The following ATP2B1 variants were observed in gnomAD, a reference collection of about 807,000 sequenced individuals.
ATP2B1 encodes the protein ATPase plasma membrane Ca2+ transporting 1, also known as plasma membrane calcium-transporting ATPase 1.
ATP2B1 carries 14 observed loss-of-function variants against 124.2 expected under a neutral mutation model. The observed-to-expected ratio is 0.11, with a 90% CI of 0.07 to 0.18. The LOEUF is 0.18. ATP2B1 is among the 10% of genes least tolerant of loss of function. The pLI is 1.00. For missense variants in ATP2B1, 763 were observed against 1,466.1 expected, an observed-to-expected ratio of 0.52 and a Z score of 7.83; for synonymous variants, 449 against 492.4, an observed-to-expected ratio of 0.91 and a Z score of 1.17.
intron 8 of ATP2B1, among the ~76,000 whole-genome samples, chr12:89,624,773 T>C (rs181795161): frequency 6.6e-6 from 1 of 152,310 alleles, no homozygotes; most frequent in Non-Finnish European, 1.5e-5. Context: ...GAGAAACTGG[T>C]AAAAATCTCA....
At chr12:89,700,593 A>C (rs1321553123) in intron 1 of ATP2B1, among the ~76,000 whole-genome samples, 4 of 152,238 alleles carry the variant, frequency 2.6e-5, no homozygotes, top group Non-Finnish European at 2.9e-5. Flanking sequence ...ATATGTCAGT[A>C]TCATCCATGA....
At chr12:89,618,732 A>G (rs1282033153) in intron 11 of ATP2B1, among the ~76,000 whole-genome samples, 2 of 152,070 alleles carry the variant, frequency 1.3e-5, no homozygotes, top group Admixed American at 6.6e-5. Flanking sequence ...TTCATACCAA[A>G]ATCTATCTTA....
At chr12:89,631,582 T>C (rs1881864780) in intron 5 of ATP2B1, among the ~76,000 whole-genome samples, 1 of 152,180 alleles carries the variant, frequency 6.6e-6, no homozygotes, top group East Asian at 1.9e-4. Context: ...TTCTCATGGC[T>C]CAAAAATTTC....
intron 2 of ATP2B1, among the ~76,000 whole-genome samples, chr12:89,643,099 C>CATACGTATATAT (rs1215769461): frequency 1.4e-5 from 2 of 145,170 alleles, no homozygotes; most frequent in African/African-American, 5.0e-5. Context: ...CACATATATA[C>CATACGTATATAT]ATACGTATAT....
rs746847972 is a variant in ATP2B1, at chr12:89,603,237, T to G, written c.2866A>C (p.Ile956Leu). 6.2e-7 allele frequency: 1 copy of G among 1,603,262 alleles called. No individual in the cohort carries two copies. The highest frequency in any genetic ancestry group is 8.5e-7 in the Non-Finnish European group (1 of 1,175,644). ...AAAGGAGCATTTCTTCCACTATCAA[T>G]GTCAAAAAACTTTTCTCCTGAAAGA... ...LLFAGEKFFD[I>L]DSGRNAPLHA... Residue 956 changes from isoleucine to leucine, a missense_variant, in exon 18 of 21, where the codon ATT becomes CTT. Physicochemically the swap from Ile to Leu is conservative, Grantham distance 5 (BLOSUM62 2). Around this residue, in one of 7 missense-constraint regions of ATP2B1, gnomAD observed 118 missense variants for 240.3 expected, o/e 0.49. Transcript: ENST00000428670. This position sits in a 1 kb window ranked among gnomAD's most constrained non-coding sequence, Gnocchi z 4.3.
intron 1 of ATP2B1, among the ~76,000 whole-genome samples, chr12:89,670,304 T>C (rs1373866131): frequency 6.6e-6 from 1 of 150,568 alleles, no homozygotes; most frequent in Non-Finnish European, 1.5e-5. Flanking sequence ...CGTTTAACAA[T>C]AAATAAAAAA....
intron 9 of ATP2B1, among the ~76,000 whole-genome samples, chr12:89,623,364 T>C (rs996875827): frequency 6.6e-6 from 1 of 152,142 alleles, no homozygotes; most frequent in Non-Finnish European, 1.5e-5. Flanking sequence ...CTTTTTTTTT[T>C]TTATTTCCAA....
intron 6 of ATP2B1, 81 bp from the exon 7 acceptor site, chr12:89,627,797 T>A: frequency 7.0e-7 from 1 of 1,424,486 alleles, no homozygotes; most frequent in African/African-American, 1.4e-5. Context: ...TAGTTCACAT[T>A]TCTATAACAG....
intron 6 of ATP2B1, 74 bp from the exon 7 acceptor site, chr12:89,627,790 T>A (rs1469572225): frequency 6.8e-7 from 1 of 1,464,690 alleles, no homozygotes; most frequent in Non-Finnish European, 9.5e-7. Flanking sequence ...GCAGAAGTAG[T>A]TCACATTTCT....
At position 89,635,140 on chromosome 12, in the gene ATP2B1, T is replaced by C; in HGVS notation, c.518A>G (p.Asn173Ser). The change falls in exon 4 of 21, where the codon AAT (asparagine) becomes AGT (serine). Residue 173 changes from asparagine (N) to serine (S), a missense_variant. Asn to Ser is a conservative substitution (Grantham distance 46, BLOSUM62 1). Transcript: ENST00000428670. Reference sequence around the variant, plus strand: ...AAACTGTTTTTCCTTACTCCAGTCATTGAAAGCTGTTACTAACACCACACA... The same window carrying C: ...AAACTGTTTTTCCTTACTCCAGTCACTGAAAGCTGTTACTAACACCACACA... ...VVCVVLVTAF[N>S]DWSKEKQFRG... is the part of the protein sequence containing the mutation. 6.2e-7 allele frequency: 1 copy of C among 1,613,934 alleles called. No individual in the cohort carries two copies. Among genetic ancestry groups the C allele is most frequent in the Non-Finnish European group, 8.5e-7 (1 of 1,179,886 alleles).
At chr12:89,592,005 A>G (rs993588514) in intron 20 of ATP2B1, among the ~76,000 whole-genome samples, 3 of 152,072 alleles carry the variant, frequency 2.0e-5, no homozygotes, top group African/African-American at 7.2e-5. Context: ...TCAAAAACAA[A>G]AACAAATCCT....
At chr12:89,683,992 A>G (rs1006168134) in intron 1 of ATP2B1, among the ~76,000 whole-genome samples, 1 of 152,192 alleles carries the variant, frequency 6.6e-6, no homozygotes, top group African/African-American at 2.4e-5. Context: ...AATACCATAC[A>G]GCTGTAAAAA....
intron 1 of ATP2B1, among the ~76,000 whole-genome samples, chr12:89,675,403 A>G (rs1888481621): frequency 6.6e-6 from 1 of 152,180 alleles, no homozygotes; most frequent in African/African-American, 2.4e-5. Context: ...TAATTAATCC[A>G]TTCTGATGGA....
intron 20 of ATP2B1, among the ~76,000 whole-genome samples, chr12:89,596,394 GGA>G (rs761003134): frequency 6.6e-6 from 1 of 152,052 alleles, no homozygotes; most frequent in Non-Finnish European, 1.5e-5. Context: ...AATACAGGTT[GGA>G]GACTAGACTC....
Position 89,624,398 on chromosome 12 carries a change from C to CT in ATP2B1, c.1130-2dup. The stretch of plus-strand genomic sequence containing the variant: ...ACTGTGATGGCAGACATCAACAGAC[C>CT]TTTCAGAATAGAAATGAAAGAAAAA... On this transcript the variant is annotated splice_acceptor_variant, in intron 8 of 20. Coordinates refer to ENST00000428670, the MANE Select transcript of ATP2B1 (RefSeq NM_001366521.1). LOFTEE classifies it high-confidence loss of function. 1 of 1,607,114 alleles carries CT rather than the reference C, an allele frequency of 6.2e-7. No homozygotes were observed. The highest frequency in any genetic ancestry group is 8.5e-7 in the Non-Finnish European group (1 of 1,176,196).
chr12:89,630,274 T>C (rs762195076), intron 6 of ATP2B1, among the ~76,000 whole-genome samples: 1 of 152,162 alleles, frequency 6.6e-6, no homozygotes, highest in Non-Finnish European at 1.5e-5. Context: ...ACCTAGAGAA[T>C]AAATGCAAGA....
chr12:89,681,148 A>G (rs1592960518), intron 1 of ATP2B1, among the ~76,000 whole-genome samples: 1 of 152,186 alleles, frequency 6.6e-6, no homozygotes, highest in East Asian at 1.9e-4. Context: ...GGAACACGGT[A>G]AAAAGAAAAG....
intron 7 of ATP2B1, 97 bp from the exon 8 acceptor site, chr12:89,626,712 C>A: frequency 7.3e-7 from 1 of 1,373,816 alleles, no homozygotes. Context: ...CTTACAGAAA[C>A]CAGTAAAGGT....
chr12:89,695,067 A>AAAAG (rs1890985508), intron 1 of ATP2B1, among the ~76,000 whole-genome samples: 1 of 146,074 alleles, frequency 6.8e-6, no homozygotes. Flanking sequence ...TCAAAAAAAA[A>AAAAG]AAAAGAAAAG....
Sources: gnomAD v4.1 joint callset for allele counts (sites outside exome capture counted in the v4.1 genomes callset) on GRCh38, gnomAD v4.1.1 for gene constraint, gnomAD v4.1.1 regional missense constraint, Gnocchi (gnomAD v3.1) non-coding constraint, MANE v1.5 for transcripts, NCBI Gene and HGNC (gene_info 2026-07-23, HGNC 2026-07-21) for gene names.